The following PCCA variants were observed in gnomAD, a reference collection of about 807,000 sequenced individuals.
The protein encoded by PCCA is propionyl-CoA carboxylase alpha chain, mitochondrial.
In PCCA, 74 loss-of-function variants were observed where a neutral mutation model predicts 101.3. The observed-to-expected ratio is 0.73, with a 90% CI of 0.61 to 0.89. PCCA has a LOEUF of 0.89. PCCA is among the 40% of genes least tolerant of loss of function. The probability of loss-of-function intolerance (pLI) is 0.00; values close to 1 mark genes in which losing one functional copy is unlikely to be tolerated. For synonymous variants in PCCA, 294 were observed against 313.6 expected, an observed-to-expected ratio of 0.94 and a Z score of 0.66; for missense variants, 891 against 907.0, an observed-to-expected ratio of 0.98 and a Z score of 0.23.
Position 100,396,907 on chromosome 13 carries a change from A to G in PCCA, c.1746+28333A>G, listed in dbSNP as rs540152503. 2.6e-5 allele frequency among the ~76,000 whole-genome samples: 4 copies of G among 152,184 alleles called. No individual in the cohort carries two copies. In the South Asian group the frequency reaches 8.3e-4, roughly 32 times the overall value. ...CTTCTGCCTCCCCATTTCTGTCCCCAAGGCCCTGCTGTGGTTCAAAAGCCC... is the reference window on the plus strand; with the variant it reads ...CTTCTGCCTCCCCATTTCTGTCCCCGAGGCCCTGCTGTGGTTCAAAAGCCC... On this transcript the variant is annotated intron_variant, in intron 19 of 23. Transcript: ENST00000376285.
At chr13:100,331,345 C>G (rs757077683) in intron 17 of PCCA, among the ~76,000 whole-genome samples, 5 of 152,178 alleles carry the variant, frequency 3.3e-5, no homozygotes, top group Non-Finnish European at 5.9e-5. Context: ...GTGAAAGCCT[C>G]TACCTACATT....
chr13:100,292,022 C>G (rs1228359702), intron 12 of PCCA, among the ~76,000 whole-genome samples: 1 of 152,176 alleles, frequency 6.6e-6, no homozygotes, highest in African/African-American at 2.4e-5. Flanking sequence ...TGCTTAGTAA[C>G]TCTGGGGGAG....
intron 1 of PCCA, among the ~76,000 whole-genome samples, chr13:100,092,087 AT>A (rs1256341602): frequency 2.0e-5 from 3 of 150,598 alleles, no homozygotes; most frequent in Admixed American, 6.6e-5. Flanking sequence ...CCACCGGCTA[AT>A]TTTTTTTTGT....
intron 12 of PCCA, among the ~76,000 whole-genome samples, chr13:100,295,868 G>C (rs1195982994): frequency 1.3e-5 from 2 of 152,122 alleles, no homozygotes; most frequent in Non-Finnish European, 2.9e-5. Context: ...CTTTTTACAT[G>C]TTGTGACTTT....
At chr13:100,476,235 T>G (rs2152961157) in intron 21 of PCCA, among the ~76,000 whole-genome samples, 1 of 152,356 alleles carries the variant, frequency 6.6e-6, no homozygotes, top group African/African-American at 2.4e-5. Context: ...TTTTGAGATT[T>G]AAACCAACTA....
At chr13:100,212,412 T>A (rs1392807532) in intron 7 of PCCA, among the ~76,000 whole-genome samples, 1 of 152,320 alleles carries the variant, frequency 6.6e-6, no homozygotes, top group South Asian at 2.1e-4. Flanking sequence ...TCCTGATCCA[T>A]TAAGAAAAAG....
chr13:100,246,209 G>T (rs1382726204), intron 8 of PCCA, among the ~76,000 whole-genome samples: 1 of 152,096 alleles, frequency 6.6e-6, no homozygotes, highest in African/African-American at 2.4e-5. Context: ...GCAGAAAACT[G>T]TACTTAATAA....
At chr13:100,322,781 G>A in intron 16 of PCCA, among the ~76,000 whole-genome samples, 1 of 151,832 alleles carries the variant, frequency 6.6e-6, no homozygotes, top group Admixed American at 6.6e-5. Context: ...TTGCTACATT[G>A]CCCAGGCTGA....
At chr13:100,446,670 G>A (rs1194467706) in intron 20 of PCCA, among the ~76,000 whole-genome samples, 2 of 152,138 alleles carry the variant, frequency 1.3e-5, no homozygotes, top group African/African-American at 4.8e-5. Flanking sequence ...ACACAGGAAA[G>A]GAGTCTATTT....
At chr13:100,216,720 A>G (rs13313342) in intron 7 of PCCA, among the ~76,000 whole-genome samples, 8 of 152,228 alleles carry the variant, frequency 5.3e-5, no homozygotes, top group African/African-American at 1.9e-4. Flanking sequence ...ATAGAAACAT[A>G]TCCACATATG....
chr13:100,469,365 C>T (rs970707832), intron 21 of PCCA, among the ~76,000 whole-genome samples: 2 of 152,100 alleles, frequency 1.3e-5, no homozygotes, highest in African/African-American at 4.8e-5. Flanking sequence ...GGACTGGAAT[C>T]CTACATGATT....
intron 21 of PCCA, among the ~76,000 whole-genome samples, chr13:100,497,135 A>G (rs916448935): frequency 8.5e-5 from 13 of 152,224 alleles, no homozygotes; most frequent in African/African-American, 3.1e-4. Flanking sequence ...TAGCAGAGAA[A>G]TGGGGAATTG....
chr13:100,351,043 G>A (rs2073208982), intron 18 of PCCA, among the ~76,000 whole-genome samples: 1 of 152,120 alleles, frequency 6.6e-6, no homozygotes, highest in Non-Finnish European at 1.5e-5. Flanking sequence ...GCTTAATGTT[G>A]CATTAAATGT....
At chr13:100,350,843 A>C (rs1029366144) in intron 18 of PCCA, among the ~76,000 whole-genome samples, 9 of 152,050 alleles carry the variant, frequency 5.9e-5, no homozygotes, top group African/African-American at 2.2e-4. Flanking sequence ...TTTCCCATTC[A>C]CCATTGCCAT....
At chr13:100,409,850 C>T (rs1436612765) in intron 19 of PCCA, among the ~76,000 whole-genome samples, 1 of 152,166 alleles carries the variant, frequency 6.6e-6, no homozygotes, top group Non-Finnish European at 1.5e-5. Flanking sequence ...TCACTGCAAC[C>T]TCTGCCTCCT....
intron 21 of PCCA, among the ~76,000 whole-genome samples, chr13:100,498,157 C>G (rs1283692853): frequency 6.6e-6 from 1 of 151,024 alleles, no homozygotes; most frequent in African/African-American, 2.4e-5. Flanking sequence ...CGTGAGCCAC[C>G]ACACCCAGCC....
At chr13:100,115,279 G>A (rs985181932) in intron 4 of PCCA, among the ~76,000 whole-genome samples, 9 of 151,970 alleles carry the variant, frequency 5.9e-5, no homozygotes, top group Non-Finnish European at 1.2e-4. Flanking sequence ...TTGGCAGGGT[G>A]TATGGAGCGG....
intron 18 of PCCA, among the ~76,000 whole-genome samples, chr13:100,359,615 T>C (rs980276820): frequency 1.3e-5 from 2 of 152,106 alleles, no homozygotes; most frequent in African/African-American, 4.8e-5. Context: ...CTAGTTAGAG[T>C]ATGAAGGCAT....
At chr13:100,274,566 A>G (rs971579974) in intron 12 of PCCA, among the ~76,000 whole-genome samples, 9 of 152,038 alleles carry the variant, frequency 5.9e-5, no homozygotes, top group African/African-American at 1.9e-4. Flanking sequence ...TTGGAGGGAG[A>G]ATCCACTCCA....
Sources: gnomAD v4.1 joint callset for allele counts (sites outside exome capture counted in the v4.1 genomes callset) on GRCh38, gnomAD v4.1.1 for gene constraint, MANE v1.5 for transcripts, NCBI Gene and HGNC (gene_info 2026-07-23, HGNC 2026-07-21) for gene names.